Variants in MAML2 observed in about 807,000 individuals in gnomAD.
The protein encoded by MAML2 is mastermind-like protein 2.
MAML2 carries 22 observed loss-of-function variants against 96.1 expected under a neutral mutation model. The ratio of observed to expected loss-of-function variants is 0.23; its 90% CI spans 0.16 to 0.33. The LOEUF is 0.33. MAML2 is among the 10% of genes least tolerant of loss of function. The probability of loss-of-function intolerance (pLI) is 1.00; values close to 1 mark genes in which losing one functional copy is unlikely to be tolerated. For synonymous variants in MAML2, 561 were observed against 521.3 expected (o/e 1.08, Z -1.04); for missense variants, 1,367 against 1,392.4 (o/e 0.98, Z 0.29).
At chr11:96,248,473 T>C (rs547922021) in intron 1 of MAML2, among the ~76,000 whole-genome samples, 1 of 152,278 alleles carries the variant, frequency 6.6e-6, no homozygotes, top group African/African-American at 2.4e-5. Flanking sequence ...CACATTACAC[T>C]TAATTGGACA....
At chr11:96,281,196 C>A (rs752656168) in intron 1 of MAML2, among the ~76,000 whole-genome samples, 1 of 151,992 alleles carries the variant, frequency 6.6e-6, no homozygotes, top group Non-Finnish European at 1.5e-5. Flanking sequence ...TATTTAACAA[C>A]CCAGAAGAAC....
At chr11:95,988,113 A>ATG (rs141507951) in intron 3 of MAML2, among the ~76,000 whole-genome samples, 16,601 of 145,382 alleles carry the variant, frequency 0.11, 1,672 homozygotes, top group African/African-American at 0.28. Context: ...TGAAGACAGG[A>ATG]TGTGTGTGTG....
chr11:95,988,335 T>C (rs866084304), intron 3 of MAML2, among the ~76,000 whole-genome samples: 2 of 151,698 alleles, frequency 1.3e-5, no homozygotes, highest in African/African-American at 4.8e-5. Context: ...CTCAGCTCAC[T>C]GCAACCTCTG....
At chr11:96,195,166 T>A (rs1164492300) in intron 1 of MAML2, among the ~76,000 whole-genome samples, 1 of 152,118 alleles carries the variant, frequency 6.6e-6, no homozygotes, top group Non-Finnish European at 1.5e-5. Flanking sequence ...CCACAAGTCA[T>A]CCTACTGAAT....
chr11:96,312,484 T>TAG (rs1296601856), intron 1 of MAML2, among the ~76,000 whole-genome samples: 2 of 152,154 alleles, frequency 1.3e-5, no homozygotes, highest in African/African-American at 2.4e-5. Context: ...GAATGGACAG[T>TAG]AGGAAGCCCC....
At chr11:96,100,735 C>CTTTTTTTTTTTTTT (rs66593553) in intron 1 of MAML2, among the ~76,000 whole-genome samples, 1 of 136,158 alleles carries the variant, frequency 7.3e-6, no homozygotes, top group Non-Finnish European at 1.5e-5. Flanking sequence ...GTCAAAATAG[C>CTTTTTTTTTTTTTT]TTTTTTTTTT....
chr11:96,232,420 G>A (rs928302755), intron 1 of MAML2, among the ~76,000 whole-genome samples: 1 of 152,134 alleles, frequency 6.6e-6, no homozygotes, highest in African/African-American at 2.4e-5. Flanking sequence ...GGTGTTAAGA[G>A]GGAACTTGAT....
intron 1 of MAML2, among the ~76,000 whole-genome samples, chr11:96,159,988 C>T (rs867563924): frequency 1.7e-4 from 26 of 152,302 alleles, no homozygotes; most frequent in East Asian, 7.7e-4. Context: ...TTAATAGCTG[C>T]GTGCTCTGTA....
chr11:96,206,236 T>G (rs538279023), intron 1 of MAML2, among the ~76,000 whole-genome samples: 43 of 152,252 alleles, frequency 2.8e-4, no homozygotes, highest in African/African-American at 1.0e-3. Flanking sequence ...ATATTTGGGG[T>G]GAGTATCAGT....
At chr11:96,211,691 G>A (rs1411716386) in intron 1 of MAML2, among the ~76,000 whole-genome samples, 1 of 152,138 alleles carries the variant, frequency 6.6e-6, no homozygotes, top group Non-Finnish European at 1.5e-5. Flanking sequence ...TGAATCACAG[G>A]GGCCCACAGG....
At chr11:96,337,172 AGAAC>A (rs1863931659) in intron 1 of MAML2, among the ~76,000 whole-genome samples, 1 of 152,158 alleles carries the variant, frequency 6.6e-6, no homozygotes, top group Non-Finnish European at 1.5e-5. Context: ...TCTAGAAAAC[AGAAC>A]GAAAATAGGT....
chr11:96,209,142 T>C (rs188908590), intron 1 of MAML2, among the ~76,000 whole-genome samples: 21 of 147,792 alleles, frequency 1.4e-4, no homozygotes, highest in Admixed American at 2.1e-4. Flanking sequence ...ACAAAAGACA[T>C]AAGGGGTTAG....
chr11:96,244,181 T>C (rs1368281187), intron 1 of MAML2, among the ~76,000 whole-genome samples: 5 of 152,260 alleles, frequency 3.3e-5, no homozygotes, highest in African/African-American at 4.8e-5. Flanking sequence ...ATTACCCCTT[T>C]TGAGAGCCTC....
intron 1 of MAML2, among the ~76,000 whole-genome samples, chr11:96,215,073 GCA>G (rs1481530658): frequency 6.6e-6 from 1 of 152,190 alleles, no homozygotes; most frequent in African/African-American, 2.4e-5. Flanking sequence ...TCCATTTCTT[GCA>G]CTAGGAATAT....
At chr11:96,198,579 T>C (rs958759874) in intron 1 of MAML2, among the ~76,000 whole-genome samples, 8 of 152,180 alleles carry the variant, frequency 5.3e-5, no homozygotes, top group African/African-American at 1.7e-4. Context: ...GGTTCACATG[T>C]ATCTATTTTG....
Position 96,217,208 on chromosome 11 carries a change from G to A in MAML2, c.514-123691C>T, listed in dbSNP as rs145566563. Among the ~76,000 whole-genome samples the A allele has an allele frequency of 3.8e-3, 578 of 152,316 alleles. 17 individuals are homozygous for A. Among genetic ancestry groups the A allele is most frequent in the East Asian group, 0.025 (132 of 5,184 alleles). ...ATTGATCAATTTTTACTAGCTCCATGTCACTGGAAATATTTCCCTTGATCC... is the reference window on the plus strand; with the variant it reads ...ATTGATCAATTTTTACTAGCTCCATATCACTGGAAATATTTCCCTTGATCC... On this transcript the variant is annotated intron_variant, in intron 1 of 4. Transcript: ENST00000524717.
intron 4 of MAML2, among the ~76,000 whole-genome samples, chr11:95,980,893 T>C (rs1857726267): frequency 6.6e-6 from 1 of 152,098 alleles, no homozygotes; most frequent in South Asian, 2.1e-4. Flanking sequence ...CCTTCAAACC[T>C]AACACAGCCT....
chr11:95,999,627 G>A (rs1858050589), intron 2 of MAML2, among the ~76,000 whole-genome samples: 1 of 151,040 alleles, frequency 6.6e-6, no homozygotes, highest in Admixed American at 6.6e-5. Context: ...AGGCATTTGG[G>A]TAAAATAGCT....
chr11:96,187,347 CACTT>C (rs1419141027), intron 1 of MAML2, among the ~76,000 whole-genome samples: 1 of 152,132 alleles, frequency 6.6e-6, no homozygotes, highest in Non-Finnish European at 1.5e-5. Flanking sequence ...ATTTTCTTGA[CACTT>C]AGTAGGTATT....
Sources: allele counts gnomAD v4.1 joint callset (sites outside exome capture counted in the v4.1 genomes callset), GRCh38; gene constraint gnomAD v4.1.1; transcripts MANE v1.5; gene names NCBI Gene and HGNC (gene_info 2026-07-23, HGNC 2026-07-21).